The following CRTC3 variants were observed in gnomAD, a reference collection of about 807,000 sequenced individuals.
The protein encoded by CRTC3 is CREB-regulated transcription coactivator 3.
A neutral mutation model predicts 74.5 loss-of-function variants in CRTC3; 26 were observed. That is an observed-to-expected ratio of 0.35 (90% confidence interval 0.26 to 0.48). CRTC3 has a LOEUF of 0.48. Among genes scored for constraint, CRTC3 ranks in the 20% least tolerant of loss-of-function variants. The pLI, the probability that CRTC3 is intolerant of heterozygous loss-of-function variation, is 0.99. For synonymous variants in CRTC3, 377 were observed against 325.8 expected (o/e 1.16, Z -1.69); for missense variants, 760 against 787.3 (o/e 0.97, Z 0.41).
chr15:90,626,791 T>C (rs894160735), intron 10 of CRTC3, among the ~76,000 whole-genome samples: 1 of 152,130 alleles, frequency 6.6e-6, no homozygotes, highest in Admixed American at 6.5e-5. Flanking sequence ...GTTTTTGTAT[T>C]TTTAGTAGAG....
chr15:90,613,490 C>T (rs1460199591), intron 6 of CRTC3, among the ~76,000 whole-genome samples: 1 of 152,158 alleles, frequency 6.6e-6, no homozygotes, highest in Non-Finnish European at 1.5e-5. Flanking sequence ...GAATGTGCTA[C>T]CGTGTTACCC....
At chr15:90,624,572 C>T (rs1284478587) in intron 9 of CRTC3, among the ~76,000 whole-genome samples, 1 of 152,214 alleles carries the variant, frequency 6.6e-6, no homozygotes, top group East Asian at 1.9e-4. Flanking sequence ...ATGGCAAACC[C>T]GTCCCCTCCA....
chr15:90,633,597 G>A (rs1023171366), intron 11 of CRTC3, among the ~76,000 whole-genome samples: 1 of 152,160 alleles, frequency 6.6e-6, no homozygotes, highest in Non-Finnish European at 1.5e-5. Flanking sequence ...GTGGCTTGGC[G>A]TGAGTCTGCA....
intron 11 of CRTC3, chr15:90,638,058 T>C (rs940831889): frequency 5.1e-6 from 1 of 195,796 alleles, no homozygotes; most frequent in Non-Finnish European, 1.0e-5. Flanking sequence ...CTTGTTAATG[T>C]TGTAGTGTCT....
At position 90,629,320 on chromosome 15, in the gene CRTC3, A is replaced by C; in HGVS notation, c.1054A>C (p.Thr352Pro). Residue 352 changes from threonine (T) to proline (P), a missense_variant, in exon 11 of 15, where the codon ACA becomes CCA. By Grantham distance (38) the Thr-to-Pro change is conservative. Around this residue, in one of 2 missense-constraint regions of CRTC3, gnomAD observed 652 missense variants for 635.2 expected, o/e 1.03. Coordinates refer to ENST00000268184, the MANE Select transcript of CRTC3 (RefSeq NM_022769.5). ...CTCTTCCTTAAATAACCACCCACAG[A>C]CATCTGTTCCCAACGCATCTGCTCT... ...LSSSLNNHPQ[T>P]SVPNASALHP... 2 of 1,614,038 alleles carry C rather than the reference A, an allele frequency of 1.2e-6. No individual in the cohort carries two copies. Among genetic ancestry groups the C allele is most frequent in the Non-Finnish European group, 1.7e-6 (2 of 1,180,018 alleles).
intron 2 of CRTC3, among the ~76,000 whole-genome samples, chr15:90,563,087 A>T (rs1476581625): frequency 6.6e-6 from 1 of 150,624 alleles, no homozygotes; most frequent in Non-Finnish European, 1.5e-5. Flanking sequence ...TTCATTTAGA[A>T]TTAATTAATT....
At chr15:90,602,968 A>G (rs929656183) in intron 4 of CRTC3, among the ~76,000 whole-genome samples, 7 of 151,998 alleles carry the variant, frequency 4.6e-5, no homozygotes, top group Admixed American at 2.6e-4. Flanking sequence ...GTGAGACTCC[A>G]TCTCAAAAAA....
At chr15:90,596,962 C>T (rs943402958) in intron 3 of CRTC3, among the ~76,000 whole-genome samples, 40 of 152,238 alleles carry the variant, frequency 2.6e-4, no homozygotes, top group African/African-American at 9.4e-4. Context: ...TCAAATAAAA[C>T]GAACATTGTT....
rs528612974 is a variant in CRTC3 at position 90,584,404 on chromosome 15, A to G, written c.232-9232A>G. 3.3e-5 allele frequency among the ~76,000 whole-genome samples: 5 copies of G among 151,990 alleles called. No individual in the cohort carries two copies. The East Asian group carries it at 9.7e-4, about 29-fold the overall frequency. On this transcript the variant is annotated intron_variant, in intron 2 of 14. Coordinates refer to ENST00000268184, the MANE Select transcript of CRTC3 (RefSeq NM_022769.5). ...AGGCATGTACCACCATGCTTGGCTA[A>G]TCTTGTATTTTTAGTAGACATGGGG...
At chr15:90,590,345 T>A (rs1206579165) in intron 2 of CRTC3, among the ~76,000 whole-genome samples, 1 of 152,040 alleles carries the variant, frequency 6.6e-6, no homozygotes, top group Non-Finnish European at 1.5e-5. Flanking sequence ...ACTCTGCAGA[T>A]ATAACCATGT....
At chr15:90,609,094 G>GTA (rs1201199726) in intron 6 of CRTC3, among the ~76,000 whole-genome samples, 1 of 152,172 alleles carries the variant, frequency 6.6e-6, no homozygotes, top group Non-Finnish European at 1.5e-5. Context: ...GTATTTCTTT[G>GTA]TATATAGCAG....
intron 2 of CRTC3, among the ~76,000 whole-genome samples, chr15:90,554,732 A>T (rs4566137): frequency 2.0e-5 from 3 of 152,090 alleles, no homozygotes; most frequent in African/African-American, 7.2e-5. Context: ...GGATGAAATC[A>T]GATAATACGT....
intron 2 of CRTC3, among the ~76,000 whole-genome samples, chr15:90,580,675 G>T (rs565818159): frequency 1.2e-4 from 18 of 152,096 alleles, no homozygotes; most frequent in African/African-American, 4.1e-4. Flanking sequence ...TGATCCACCC[G>T]TCTCAGCCTC....
At chr15:90,640,737 CAG>C (rs1308630526) in intron 13 of CRTC3, among the ~76,000 whole-genome samples, 3 of 151,928 alleles carry the variant, frequency 2.0e-5, no homozygotes, top group Non-Finnish European at 2.9e-5. Flanking sequence ...TGGTTATAGA[CAG>C]AGCCTTTGAA....
chr15:90,580,396 G>C (rs988867252), intron 2 of CRTC3, among the ~76,000 whole-genome samples: 5 of 151,704 alleles, frequency 3.3e-5, no homozygotes, highest in Non-Finnish European at 5.9e-5. Flanking sequence ...GGCTTCCTTA[G>C]TGTCAGTCCC....
At chr15:90,561,438 C>T (rs147314690) in intron 2 of CRTC3, among the ~76,000 whole-genome samples, 1 of 152,136 alleles carries the variant, frequency 6.6e-6, no homozygotes, top group Non-Finnish European at 1.5e-5. Context: ...AAGTCTTAAT[C>T]GGCCTGTCCT....
Position 90,573,755 on chromosome 15 carries a change from A to G in CRTC3, c.232-19881A>G, listed in dbSNP as rs77832741. 6.9e-3 allele frequency among the ~76,000 whole-genome samples: 1,048 copies of G among 152,318 alleles called. 14 individuals are homozygous for G. Among genetic ancestry groups the G allele is most frequent in the African/African-American group, 0.024 (1,000 of 41,564 alleles). ...TAGTTATGTTTTTAGGCAGATACAT[A>G]TGAACATACATTCATGTGGTCTAAG... is the stretch of plus-strand genomic sequence containing the variant. On this transcript the variant is annotated intron_variant, in intron 2 of 14. Coordinates refer to ENST00000268184, the MANE Select transcript of CRTC3 (RefSeq NM_022769.5).
chr15:90,605,487 C>T (rs972357269), intron 5 of CRTC3, among the ~76,000 whole-genome samples: 1 of 152,198 alleles, frequency 6.6e-6, no homozygotes, highest in African/African-American at 2.4e-5. Context: ...AACCACAATG[C>T]CGCTATTACA....
In CRTC3 at chr15:90,641,183, G is replaced by C. The variant is rs748481937; in HGVS notation, c.1635G>C (p.Pro545=). Residue 545 remains proline, a synonymous_variant, in exon 14 of 15, where the codon CCG becomes CCC. Coordinates refer to ENST00000268184, the MANE Select transcript of CRTC3 (RefSeq NM_022769.5). ...CGTATTCCAACTGCGGGAGTCTCCC[G>C]AACACCATCCTGCCAGGTGAGCGAG... The part of the protein sequence containing the change: ...PSPYSNCGSL[P]NTILPEDSST... The C allele has an allele frequency of 6.2e-7, 1 of 1,612,468 alleles. No homozygotes were observed. Among genetic ancestry groups the C allele is most frequent in the South Asian group, 1.1e-5 (1 of 90,982 alleles).
Sources: allele counts gnomAD v4.1 joint callset (sites outside exome capture counted in the v4.1 genomes callset), GRCh38; gene constraint gnomAD v4.1.1; regional missense constraint gnomAD v4.1.1; transcripts MANE v1.5; gene names NCBI Gene and HGNC (gene_info 2026-07-23, HGNC 2026-07-21).